LITAF: variants seen among roughly 807,000 people sequenced by gnomAD.
LITAF encodes the protein lipopolysaccharide-induced tumor necrosis factor-alpha factor.
In LITAF, 9 loss-of-function variants were observed where a neutral mutation model predicts 14.5. That is an observed-to-expected ratio of 0.62 (90% CI 0.37 to 1.08). LITAF has a LOEUF of 1.08. LITAF is among the 50% of genes least tolerant of loss of function. The probability of loss-of-function intolerance (pLI) is 0.01; values close to 1 mark genes in which losing one functional copy is unlikely to be tolerated. For missense variants in LITAF, 206 were observed against 213.4 expected (o/e 0.97, Z 0.22); for synonymous variants, 98 against 88.2 (o/e 1.11, Z -0.62).
chr16:11,586,685 G>A lies in LITAF; in HGVS notation c.-6+201C>T, dbSNP rs1240977922. On this transcript the variant is annotated intron_variant, in intron 1 of 3. Coordinates refer to ENST00000622633, the MANE Select transcript of LITAF (RefSeq NM_001136472.2). This position sits in a 1 kb window ranked among gnomAD's most constrained non-coding sequence, Gnocchi z 6.5. ...CGGAGACGCGGCCGGGACCAGCGCT[G>A]GGAGGCCGGACCCCGCCCCGGCCGG... 2.6e-5 allele frequency among the ~76,000 whole-genome samples: 4 copies of A among 151,372 alleles called. No homozygotes were observed. The highest frequency in any genetic ancestry group is 9.7e-5 in the African/African-American group (4 of 41,354).
rs1157690021 is a variant in LITAF at position 11,547,761 on chromosome 16, C to G, written c.*1876G>C. 1 of 453,536 alleles carries G rather than the reference C, an allele frequency of 2.2e-6. No individual in the cohort carries two copies. Among genetic ancestry groups the G allele is most frequent in the Admixed American group, 2.4e-5 (1 of 42,548 alleles). The allele number at this position is 453,536 out of a possible 1,614,324, so 28.1% of individuals were successfully genotyped here. A position where few individuals can be genotyped will look rare whatever the true frequency, so the allele number is the denominator to read the frequency against. On this transcript the variant is annotated 3_prime_UTR_variant, in exon 4 of 4. Coordinates refer to ENST00000622633, the MANE Select transcript of LITAF (RefSeq NM_001136472.2). Reference sequence around the variant, plus strand: ...TTTTATTAAAACTTGAAAGCTATGGCTTGCCGCCATCAATGACGCCTATTG... The same window carrying G: ...TTTTATTAAAACTTGAAAGCTATGGGTTGCCGCCATCAATGACGCCTATTG...
intron 3 of LITAF, among the ~76,000 whole-genome samples, chr16:11,627,825 CAG>C (rs1225170469): frequency 2.0e-5 from 3 of 152,026 alleles, no homozygotes; most frequent in Non-Finnish European, 2.9e-5. Context: ...GCCTGGGTAA[CAG>C]AGCAAGACTC....
intron 3 of LITAF, among the ~76,000 whole-genome samples, chr16:11,620,181 A>G (rs1429459767): frequency 6.6e-6 from 1 of 150,810 alleles, no homozygotes; most frequent in African/African-American, 2.5e-5. Flanking sequence ...AAAAAAAAAA[A>G]AAGAAAAGAA....
At chr16:11,585,685 A>G (rs2064795460) in intron 1 of LITAF, among the ~76,000 whole-genome samples, 1 of 152,202 alleles carries the variant, frequency 6.6e-6, no homozygotes, top group Non-Finnish European at 1.5e-5. Flanking sequence ...GCAGCCAAGC[A>G]CACATTAAGG....
chr16:11,633,436 C>G (rs962425152), intron 3 of LITAF: 1 of 152,178 alleles, frequency 6.6e-6, no homozygotes, highest in African/African-American at 2.4e-5. Flanking sequence ...GTTAGGCATT[C>G]TAAGTCACGG....
chr16:11,574,032 T>G (rs1178848993), intron 1 of LITAF, among the ~76,000 whole-genome samples: 1 of 148,586 alleles, frequency 6.7e-6, no homozygotes, highest in Non-Finnish European at 1.5e-5. Flanking sequence ...TTGTTGTTTT[T>G]AAAGACAGGT....
At chr16:11,624,304 T>C (rs1008860647) in intron 3 of LITAF, among the ~76,000 whole-genome samples, 6 of 152,136 alleles carry the variant, frequency 3.9e-5, no homozygotes, top group African/African-American at 1.4e-4. Flanking sequence ...TATTTTCCAA[T>C]AGTTCCAGCT....
intron 3 of LITAF, among the ~76,000 whole-genome samples, chr16:11,616,086 C>T (rs963981466): frequency 2.0e-5 from 3 of 152,168 alleles, no homozygotes; most frequent in African/African-American, 7.2e-5. Flanking sequence ...AGGTGGGGCA[C>T]CCCAACTCCA....
chr16:11,548,750 A>T lies in LITAF; in HGVS notation c.*887T>A. On this transcript the variant is annotated 3_prime_UTR_variant, in exon 4 of 4. Transcript: ENST00000622633. ...CAGCACTTCGGGAGGCCAAGGCAGA[A>T]GGATCGCTTGAGCCCAGGAGTTCGA... 2.2e-6 allele frequency: 1 copy of T among 453,568 alleles called. No individual in the cohort carries two copies. Among genetic ancestry groups the T allele is most frequent in the Non-Finnish European group, 4.4e-6 (1 of 226,608 alleles). 28.1% of individuals were successfully genotyped at this position (453,568 alleles called of 1,614,324 possible). A position where few individuals can be genotyped will look rare whatever the true frequency, so the allele number is the denominator to read the frequency against.
chr16:11,563,132 A>G (rs2064397345), intron 1 of LITAF, among the ~76,000 whole-genome samples: 1 of 146,542 alleles, frequency 6.8e-6, no homozygotes, highest in African/African-American at 2.5e-5. Context: ...ATATCTCTAC[A>G]CAAAAAAATT....
intron 1 of LITAF, among the ~76,000 whole-genome samples, chr16:11,569,894 T>C (rs1402643798): frequency 6.6e-6 from 1 of 151,862 alleles, no homozygotes; most frequent in African/African-American, 2.4e-5. Context: ...ATTAGCCAGG[T>C]GTGGTGGTGC....
intron 3 of LITAF, chr16:11,551,907 CA>C: frequency 2.3e-6 from 1 of 442,912 alleles, no homozygotes; most frequent in Non-Finnish European, 4.0e-6. Context: ...TACAAATATC[CA>C]GAGGCAATGG....
chr16:11,622,456 G>C (rs555170348), intron 3 of LITAF, among the ~76,000 whole-genome samples: 1 of 152,286 alleles, frequency 6.6e-6, no homozygotes, highest in South Asian at 2.1e-4. Context: ...CAGCAATCAC[G>C]GGAGAGCCAC....
At chr16:11,626,641 A>G (rs2065085717) in intron 3 of LITAF, among the ~76,000 whole-genome samples, 1 of 151,118 alleles carries the variant, frequency 6.6e-6, no homozygotes, top group Non-Finnish European at 1.5e-5. Context: ...CCCAGCCTGT[A>G]ATTTTTTTTT....
At position 11,548,496 on chromosome 16, in the gene LITAF, C is replaced by T. The variant is rs527309321; in HGVS notation, c.*1141G>A. On this transcript the variant is annotated 3_prime_UTR_variant, in exon 4 of 4. Coordinates refer to ENST00000622633, the MANE Select transcript of LITAF (RefSeq NM_001136472.2). Reference sequence around the variant, plus strand: ...AAAACCCACCACCAGGAAACCAAAACGGACCCCACTCTGAGAGTTCCATGA... The same window carrying T: ...AAAACCCACCACCAGGAAACCAAAATGGACCCCACTCTGAGAGTTCCATGA... 1.4e-4 allele frequency: 62 copies of T among 453,988 alleles called. No individual in the cohort carries two copies. Among genetic ancestry groups the T allele is most frequent in the Middle Eastern group, 6.9e-4 (1 of 1,444 alleles). The allele number at this position is 453,988 out of a possible 1,614,324, so 28.1% of individuals were successfully genotyped here. A position where few individuals can be genotyped will look rare whatever the true frequency, so the allele number is the denominator to read the frequency against.
chr16:11,588,421 T>C (rs1042530880), upstream of LITAF, among the ~76,000 whole-genome samples: 5 of 151,614 alleles, frequency 3.3e-5, no homozygotes, highest in African/African-American at 1.2e-4. Flanking sequence ...GAGGATTCCT[T>C]GACCTCCGGA....
chr16:11,572,266 C>A (rs1225741222), intron 1 of LITAF, among the ~76,000 whole-genome samples: 3 of 152,040 alleles, frequency 2.0e-5, no homozygotes, highest in African/African-American at 7.2e-5. Flanking sequence ...CTGCACGAAG[C>A]CCTTGTGGTT....
In LITAF at chr16:11,552,792, A is replaced by G. The variant is rs554865176; in HGVS notation, c.377+741T>C. Among the ~76,000 whole-genome samples, 21 of 152,282 alleles carry G rather than the reference A, an allele frequency of 1.4e-4. No individual in the cohort carries two copies. The South Asian group carries it at 4.4e-3, about 32-fold the overall frequency. ...GGCCAGGGATGCTATTCAATATCCTACAATGCACAGGACACCCCCTACAAT... is the reference window on the plus strand; with the variant it reads ...GGCCAGGGATGCTATTCAATATCCTGCAATGCACAGGACACCCCCTACAAT... On this transcript the variant is annotated intron_variant, in intron 3 of 3. Transcript: ENST00000622633.
chr16:11,556,599 A>G lies in LITAF; in HGVS notation c.132T>C (p.Thr44=). Residue 44 remains threonine (T), a synonymous_variant, in exon 2 of 4, where the codon ACT becomes ACC. Transcript: ENST00000622633. ...CATCAGGCCCCGTCACAAGCCCCGT[A>G]GTTGGCCCAGGCATGGGAGCTGGAG... ...PTPPAPMPGP[T]TGLVTGPDGK... The G allele has an allele frequency of 6.2e-7, 1 of 1,614,210 alleles. No homozygotes were observed. Among genetic ancestry groups the G allele is most frequent in the Non-Finnish European group, 8.5e-7 (1 of 1,180,042 alleles).
Sources: allele counts gnomAD v4.1 joint callset (sites outside exome capture counted in the v4.1 genomes callset), GRCh38; gene constraint gnomAD v4.1.1; non-coding constraint Gnocchi (gnomAD v3.1); transcripts MANE v1.5; gene names NCBI Gene and HGNC (gene_info 2026-07-23, HGNC 2026-07-21).